The following FYB1 variants were observed in gnomAD, a reference collection of about 807,000 sequenced individuals.
FYB1 encodes the protein FYN binding protein 1, also known as FYN-binding protein 1.
In FYB1, 41 loss-of-function variants were observed where a neutral mutation model predicts 94.1. The observed-to-expected ratio is 0.44, with a 90% CI of 0.34 to 0.57. The LOEUF (loss-of-function observed/expected upper bound fraction) is 0.57, where lower values mean the gene tolerates loss of function less well. FYB1 is among the 20% of genes least tolerant of loss of function. The probability of loss-of-function intolerance (pLI) is 0.02; values close to 1 mark genes in which losing one functional copy is unlikely to be tolerated. For missense variants in FYB1, 1,050 were observed against 976.8 expected, an observed-to-expected ratio of 1.07 and a Z score of -1.00; for synonymous variants, 367 against 353.2, an observed-to-expected ratio of 1.04 and a Z score of -0.44.
At chr5:39,151,810 G>A (rs1334208641) in intron 3 of FYB1, among the ~76,000 whole-genome samples, 1 of 152,156 alleles carries the variant, frequency 6.6e-6, no homozygotes, top group Admixed American at 6.5e-5. Context: ...GGAATGTTTG[G>A]GAAATACTCA....
intron 7 of FYB1, among the ~76,000 whole-genome samples, chr5:39,137,118 T>C (rs890295050): frequency 3.3e-5 from 5 of 151,384 alleles, no homozygotes; most frequent in Admixed American, 6.6e-5. Flanking sequence ...GTACACAGAC[T>C]TAAAGGCAAC....
intron 1 of FYB1, among the ~76,000 whole-genome samples, chr5:39,209,814 G>C (rs1247277177): frequency 6.6e-6 from 1 of 152,184 alleles, no homozygotes; most frequent in African/African-American, 2.4e-5. Context: ...CTGGCTGATG[G>C]ACTGCGTTTA....
chr5:39,222,699 C>T (rs768700227), upstream of FYB1, among the ~76,000 whole-genome samples: 5 of 151,996 alleles, frequency 3.3e-5, no homozygotes, highest in Admixed American at 6.6e-5. Context: ...GGTATGTTTC[C>T]GAAATAAGCG....
rs560694059 is a variant in FYB1, at chr5:39,215,981, C to A, written c.-28+3462G>T. Among the ~76,000 whole-genome samples, 5 of 152,216 alleles carry A rather than the reference C, an allele frequency of 3.3e-5. No individual in the cohort carries two copies. The South Asian group carries it at 8.3e-4, about 25-fold the overall frequency. On this transcript the variant is annotated intron_variant, in intron 1 of 18. Coordinates refer to ENST00000512982, the MANE Select transcript of FYB1 (RefSeq NM_001465.6). ...GAAGAGACAGCAGAAGAGGAGAGGG[C>A]CATTTTACAAGAGAGGTAGAGGTTT... is the stretch of plus-strand genomic sequence containing the variant.
intron 2 of FYB1, among the ~76,000 whole-genome samples, chr5:39,201,295 C>T (rs166330): frequency 1.3e-5 from 2 of 152,034 alleles, no homozygotes; most frequent in African/African-American, 4.8e-5. Context: ...ACTGTCCTGG[C>T]CATTGTAGGA....
intron 1 of FYB1, among the ~76,000 whole-genome samples, chr5:39,252,178 AT>A (rs1213133553): frequency 3.9e-5 from 6 of 152,092 alleles, no homozygotes; most frequent in African/African-American, 1.2e-4. Flanking sequence ...AAATAAAAAA[AT>A]AAAGAAATAA....
intron 1 of FYB1, among the ~76,000 whole-genome samples, chr5:39,259,635 A>G (rs1413326082): frequency 6.6e-6 from 1 of 152,242 alleles, no homozygotes; most frequent in Non-Finnish European, 1.5e-5. Context: ...ATATACAGTT[A>G]TATCAATTAA....
intron 2 of FYB1, among the ~76,000 whole-genome samples, chr5:39,163,710 CT>C (rs1580430553): frequency 6.6e-6 from 1 of 152,054 alleles, no homozygotes; most frequent in Non-Finnish European, 1.5e-5. Flanking sequence ...ACTTTTGGAT[CT>C]TTTTTTGGAA....
At chr5:39,252,418 G>A (rs12651746) in intron 1 of FYB1, among the ~76,000 whole-genome samples, 16,559 of 152,152 alleles carry the variant, frequency 0.11, 912 homozygotes, top group Middle Eastern at 0.12. Context: ...AATAGCTATG[G>A]CTGTGGAATT....
intron 16 of FYB1, among the ~76,000 whole-genome samples, chr5:39,116,459 C>G (rs1739580627): frequency 6.6e-6 from 1 of 152,164 alleles, no homozygotes; most frequent in Non-Finnish European, 1.5e-5. Flanking sequence ...GTTTACGAAA[C>G]ATTTTCACCT....
upstream of FYB1, among the ~76,000 whole-genome samples, chr5:39,223,950 A>T (rs1030803067): frequency 1.3e-5 from 2 of 152,104 alleles, no homozygotes; most frequent in Non-Finnish European, 2.9e-5. Context: ...GAGAAACCCT[A>T]TCCTGTGCTG....
chr5:39,224,710 C>T (rs145438125), intron 1 of FYB1, among the ~76,000 whole-genome samples: 38 of 152,310 alleles, frequency 2.5e-4, no homozygotes, highest in Non-Finnish European at 4.9e-4. Context: ...CTCAACTCAA[C>T]ACTCATGTAC....
intron 6 of FYB1, chr5:39,137,949 T>A (rs762715625): frequency 7.8e-6 from 4 of 514,596 alleles, no homozygotes; most frequent in African/African-American, 5.8e-5. Flanking sequence ...TGACAACTTG[T>A]GCCAGCAAGT....
intron 1 of FYB1, among the ~76,000 whole-genome samples, chr5:39,247,111 T>C (rs1424833765): frequency 7.3e-6 from 1 of 136,398 alleles, no homozygotes; most frequent in Non-Finnish European, 1.6e-5. Flanking sequence ...TATATATATA[T>C]ATATGACTAT....
At chr5:39,241,374 T>C (rs917126101) in intron 1 of FYB1, among the ~76,000 whole-genome samples, 1 of 152,176 alleles carries the variant, frequency 6.6e-6, no homozygotes, top group African/African-American at 2.4e-5. Context: ...CCAGGACCTA[T>C]GAGTCTGGTC....
chr5:39,254,293 G>A (rs1216899227), intron 1 of FYB1, among the ~76,000 whole-genome samples: 1 of 152,148 alleles, frequency 6.6e-6, no homozygotes, highest in Non-Finnish European at 1.5e-5. Flanking sequence ...GATGGTTGAA[G>A]TAATTTACAC....
At chr5:39,119,077 G>T in intron 15 of FYB1, 41 bp from the exon 16 acceptor site, 4 of 991,332 alleles carry the variant, frequency 4.0e-6, no homozygotes, top group Non-Finnish European at 5.5e-6. Context: ...TGGTTTATGT[G>T]CATTATTGAA....
At chr5:39,180,188 T>TA (rs1404054079) in intron 2 of FYB1, among the ~76,000 whole-genome samples, 1 of 152,182 alleles carries the variant, frequency 6.6e-6, no homozygotes, top group Non-Finnish European at 1.5e-5. Flanking sequence ...TTCCCCAATG[T>TA]TTGCCATGTC....
chr5:39,246,091 A>C (rs1579775558), intron 1 of FYB1, among the ~76,000 whole-genome samples: 1 of 152,162 alleles, frequency 6.6e-6, no homozygotes, highest in South Asian at 2.1e-4. Flanking sequence ...TGTTTTGTCC[A>C]TGCCTAATCT....
Sources: allele counts gnomAD v4.1 joint callset (sites outside exome capture counted in the v4.1 genomes callset), GRCh38; gene constraint gnomAD v4.1.1; transcripts MANE v1.5; gene names NCBI Gene and HGNC (gene_info 2026-07-23, HGNC 2026-07-21).